Variants in DNAAF9 observed in about 807,000 individuals in gnomAD.
DNAAF9 encodes shulin.
DNAAF9 carries 90 observed loss-of-function variants against 167.0 expected under a neutral mutation model. That is an observed-to-expected ratio of 0.54 (90% CI 0.45 to 0.64). The LOEUF (loss-of-function observed/expected upper bound fraction) is 0.64. Among genes scored for constraint, DNAAF9 ranks in the 30% least tolerant of loss-of-function variants. DNAAF9 has a pLI of 0.00. For synonymous variants in DNAAF9, 491 were observed against 508.8 expected, an observed-to-expected ratio of 0.96 and a Z score of 0.47; for missense variants, 1,315 against 1,442.2, an observed-to-expected ratio of 0.91 and a Z score of 1.43.
intron 12 of DNAAF9, among the ~76,000 whole-genome samples, chr20:3,326,509 A>C (rs2069713326): frequency 6.6e-6 from 1 of 152,206 alleles, no homozygotes; most frequent in Non-Finnish European, 1.5e-5. Flanking sequence ...AGATGGGCAG[A>C]TCGCTTGAGC....
intron 27 of DNAAF9, among the ~76,000 whole-genome samples, chr20:3,285,073 C>T (rs188606093): frequency 1.5e-3 from 222 of 152,300 alleles, no homozygotes; most frequent in African/African-American, 5.1e-3. Flanking sequence ...ATTTCTAAAA[C>T]TTTGTCATTT....
intron 21 of DNAAF9, among the ~76,000 whole-genome samples, chr20:3,302,175 G>A (rs1271799713): frequency 6.6e-6 from 1 of 152,106 alleles, no homozygotes; most frequent in Non-Finnish European, 1.5e-5. Context: ...CTGACCTCAG[G>A]TGATCCACCT....
chr20:3,358,934 C>T (rs16988499), intron 7 of DNAAF9, among the ~76,000 whole-genome samples: 30,088 of 152,034 alleles, frequency 0.2, 3,803 homozygotes, highest in South Asian at 0.42. Flanking sequence ...TTGCAAATTT[C>T]CCCCCGATCC....
chr20:3,304,584 T>G (rs1356692638), intron 20 of DNAAF9, 41 bp from the exon 21 acceptor site: 1 of 898,216 alleles, frequency 1.1e-6, no homozygotes, highest in African/African-American at 1.7e-5. Flanking sequence ...GAGGGCTGGG[T>G]GCTGGGGGTC....
intron 1 of DNAAF9, among the ~76,000 whole-genome samples, chr20:3,399,687 T>A (rs1230348062): frequency 6.6e-6 from 1 of 152,160 alleles, no homozygotes; most frequent in Non-Finnish European, 1.5e-5. Context: ...CTTTCTTGTC[T>A]GACAGACATG....
chr20:3,332,891 TGTGC>T (rs1302781262), intron 10 of DNAAF9, among the ~76,000 whole-genome samples: 13 of 132,158 alleles, frequency 9.8e-5, no homozygotes, highest in Admixed American at 8.8e-4. Context: ...TGTGTGCGTG[TGTGC>T]GTGTGGTGTG....
rs957740122 is a variant in DNAAF9, at chr20:3,324,973, A to T, written c.1189-5T>A. On this transcript the variant is annotated splice_region_variant and splice_polypyrimidine_tract_variant and intron_variant, in intron 13 of 36. Transcript: ENST00000252032. ...TTGCTCTGCTACCTCCTTGGCCTGT[A>T]AAATAATAAGACAGCGACAATTAGC... 1.3e-6 allele frequency: 2 copies of T among 1,557,380 alleles called. No homozygotes were observed. Among genetic ancestry groups the T allele is most frequent in the African/African-American group, 2.7e-5 (2 of 73,812 alleles).
At chr20:3,259,355 G>A (rs1045668770) in intron 33 of DNAAF9, 125 bp downstream of exon 33, 2 of 738,304 alleles carry the variant, frequency 2.7e-6, no homozygotes, top group Middle Eastern at 2.7e-4. Flanking sequence ...GCCCAGGGTG[G>A]GGAAGGTTTC....
At chr20:3,318,464 G>A (rs2069550290) in intron 16 of DNAAF9, 64 bp from the exon 17 acceptor site, 5 of 795,386 alleles carry the variant, frequency 6.3e-6, no homozygotes, top group Non-Finnish European at 1.1e-5. Context: ...AAGTCCATAA[G>A]AATGAGACCA....
chr20:3,305,234 G>T (rs2069269691), intron 20 of DNAAF9, among the ~76,000 whole-genome samples: 3 of 152,198 alleles, frequency 2.0e-5, no homozygotes, highest in South Asian at 4.1e-4. Flanking sequence ...CCATGGAAAA[G>T]ATGGACAACT....
chr20:3,271,505 C>G (rs916662496), intron 29 of DNAAF9, among the ~76,000 whole-genome samples: 1 of 151,992 alleles, frequency 6.6e-6, no homozygotes, highest in Non-Finnish European at 1.5e-5. Context: ...ACTTCACCAC[C>G]CCAAGATAAT....
At chr20:3,340,443 C>CCCCCCCCCCCCCCA in intron 10 of DNAAF9, 61 bp downstream of exon 10, 1 of 190,706 alleles carries the variant, frequency 5.2e-6, no homozygotes, top group Admixed American at 5.7e-5. Flanking sequence ...TCCCCCCACC[C>CCCCCCCCCCCCCCA]ACCCCACCCC....
At chr20:3,273,778 A>G (rs1466244498) in intron 29 of DNAAF9, among the ~76,000 whole-genome samples, 3 of 152,218 alleles carry the variant, frequency 2.0e-5, no homozygotes, top group Non-Finnish European at 4.4e-5. Flanking sequence ...TTCACAAAGA[A>G]AATAAAATAA....
chr20:3,265,629 C>T (rs2068476581), intron 30 of DNAAF9, among the ~76,000 whole-genome samples: 1 of 144,090 alleles, frequency 6.9e-6, no homozygotes, highest in African/African-American at 2.6e-5. Context: ...GAATTAAATA[C>T]TTTTTTTGGT....
chr20:3,284,173 CTT>C lies in DNAAF9; in HGVS notation c.2487-2409_2487-2408del, dbSNP rs200633758. Among the ~76,000 whole-genome samples the C allele has an allele frequency of 5.7e-3, 672 of 118,010 alleles. 2 individuals carry two copies. Among genetic ancestry groups the C allele is most frequent in the African/African-American group, 0.02 (649 of 32,988 alleles). 77.4% of individuals were successfully genotyped at this position (118,010 alleles called of 152,430 possible). Reference sequence around the variant, plus strand: ...AGCACCACGCTCAAGTTACTAGAGTCTTTTTTTTTTTTTTTTTTTTTTTTTGA... The same window carrying C: ...AGCACCACGCTCAAGTTACTAGAGTCTTTTTTTTTTTTTTTTTTTTTTTGA... On this transcript the variant is annotated intron_variant, in intron 27 of 36. Coordinates refer to ENST00000252032, the MANE Select transcript of DNAAF9 (RefSeq NM_001009984.3).
intron 1 of DNAAF9, among the ~76,000 whole-genome samples, chr20:3,395,207 G>A (rs1377527720): frequency 4.3e-5 from 6 of 140,412 alleles, no homozygotes; most frequent in East Asian, 4.0e-4. Context: ...TCCTGACCTC[G>A]TGATCCGCCC....
chr20:3,369,303 C>T (rs111474678), intron 6 of DNAAF9, among the ~76,000 whole-genome samples: 7,236 of 151,792 alleles, frequency 0.048, 268 homozygotes, highest in African/African-American at 0.1. Context: ...CTTATGGTAT[C>T]GTGGCCTCCT....
intron 23 of DNAAF9, chr20:3,295,729 G>A (rs888529183): frequency 3.1e-5 from 19 of 620,326 alleles, no homozygotes; most frequent in Middle Eastern, 5.0e-4. Context: ...CTGGCATAAC[G>A]CGTGATGTAG....
chr20:3,381,456 T>C lies in DNAAF9; in HGVS notation c.206A>G (p.Asn69Ser), dbSNP rs201878603. The C allele has an allele frequency of 1.9e-6, 3 of 1,613,426 alleles. No homozygotes were observed. Among genetic ancestry groups the C allele is most frequent in the Non-Finnish European group, 2.5e-6 (3 of 1,179,698 alleles). ...ATTGTACAAACCAAATAGAAGATAA[T>C]TTGCCAGCTCTCTGCAGCCTTCATT... ...RYNEGCRELA[N>S]YLLFGLYNQN... The change falls in exon 3 of 37, where the codon AAT becomes AGT. Residue 69 changes from asparagine (N) to serine (S), a missense_variant. This residue lies in a region of DNAAF9 where 981 missense variants were observed against 1,012.5 expected (regional missense o/e 0.97). Transcript: ENST00000252032.
Sources: gnomAD v4.1 joint callset for allele counts (sites outside exome capture counted in the v4.1 genomes callset) on GRCh38, gnomAD v4.1.1 for gene constraint, gnomAD v4.1.1 regional missense constraint, MANE v1.5 for transcripts, NCBI Gene and HGNC (gene_info 2026-07-23, HGNC 2026-07-21) for gene names.